Variants in NAV2 observed in about 807,000 individuals in gnomAD.
The protein encoded by NAV2 is helicase, APC down-regulated 1.
NAV2 carries 54 observed loss-of-function variants against 223.2 expected under a neutral mutation model. That is an observed-to-expected ratio of 0.24 (90% CI 0.19 to 0.30). The LOEUF is 0.30. Ranked by LOEUF, NAV2 falls within the 10% of genes least tolerant of loss-of-function variation. NAV2 has a pLI of 1.00. For missense variants in NAV2, 2,806 were observed against 3,147.5 expected (o/e 0.89, Z 2.60); for synonymous variants, 1,279 against 1,239.3 (o/e 1.03, Z -0.67).
intron 11 of NAV2, among the ~76,000 whole-genome samples, chr11:20,023,581 A>G (rs1344437858): frequency 2.0e-5 from 3 of 152,146 alleles, no homozygotes; most frequent in African/African-American, 7.2e-5. Context: ...GTGTGGCCCC[A>G]GGCAAGGGCT....
chr11:19,920,337 G>T (rs1055473424), intron 6 of NAV2, among the ~76,000 whole-genome samples: 3 of 152,108 alleles, frequency 2.0e-5, no homozygotes, highest in Admixed American at 1.3e-4. Flanking sequence ...ACCCAGACTG[G>T]ACTGCAGTGG....
At chr11:19,557,078 AT>A (rs2044918896) in intron 1 of NAV2, among the ~76,000 whole-genome samples, 1 of 152,238 alleles carries the variant, frequency 6.6e-6, no homozygotes, top group Admixed American at 6.5e-5. Flanking sequence ...GAATTTTAAA[AT>A]TAAATAAGCA....
At chr11:19,914,075 T>A (rs866910844) in intron 6 of NAV2, among the ~76,000 whole-genome samples, 87 of 152,348 alleles carry the variant, frequency 5.7e-4, no homozygotes, top group African/African-American at 1.9e-3. Context: ...GATGTCATGC[T>A]GGTAGCTAGA....
At chr11:19,503,662 T>C (rs1256515726) in intron 1 of NAV2, 4 of 152,210 alleles carry the variant, frequency 2.6e-5, no homozygotes, top group South Asian at 2.1e-4. Flanking sequence ...CAATATTCCA[T>C]AGCCTGAACG....
At chr11:19,980,198 A>C (rs917542958) in intron 10 of NAV2, among the ~76,000 whole-genome samples, 3 of 151,952 alleles carry the variant, frequency 2.0e-5, no homozygotes, top group African/African-American at 7.3e-5. Context: ...AGAGGCTCTG[A>C]CTCTTTCCAT....
chr11:19,914,690 G>T (rs991545991), intron 6 of NAV2, among the ~76,000 whole-genome samples: 2 of 151,738 alleles, frequency 1.3e-5, no homozygotes, highest in Non-Finnish European at 2.9e-5. Context: ...GACTACAGGC[G>T]CCCGCCACCG....
intron 1 of NAV2, among the ~76,000 whole-genome samples, chr11:19,818,844 T>C (rs772947819): frequency 1.3e-5 from 2 of 152,238 alleles, no homozygotes; most frequent in Non-Finnish European, 2.9e-5. Context: ...GTTGGTTTTA[T>C]GGACTTTATA....
At chr11:19,932,902 G>A (rs1296913802) in intron 6 of NAV2, among the ~76,000 whole-genome samples, 1 of 152,228 alleles carries the variant, frequency 6.6e-6, no homozygotes, top group African/African-American at 2.4e-5. Context: ...CGGTGCAGGT[G>A]TCTGTTAAGA....
In NAV2 at chr11:19,617,696, G is replaced by A. The variant is rs919865166; in HGVS notation, c.76-214788G>A. Among the ~76,000 whole-genome samples the A allele has an allele frequency of 3.3e-5, 5 of 152,304 alleles. No individual in the cohort carries two copies. In the East Asian group the frequency reaches 9.6e-4, roughly 29 times the overall value. On this transcript the variant is annotated intron_variant, in intron 1 of 37. Coordinates refer to the NAV2 transcript ENST00000360655. ...ATGGCCTCCCTGAGGAGACAGTTTT[G>A]GTTGAAACCTGAATGAAAAGAAGCA... is the stretch of plus-strand genomic sequence containing the variant.
chr11:20,084,756 C>T (rs533320608), intron 26 of NAV2, among the ~76,000 whole-genome samples: 1 of 152,230 alleles, frequency 6.6e-6, no homozygotes, highest in South Asian at 2.1e-4. Context: ...TGCCATCATC[C>T]CAAAGCATCC....
chr11:19,827,884 C>T (rs1418775980), intron 1 of NAV2, among the ~76,000 whole-genome samples: 1 of 151,956 alleles, frequency 6.6e-6, no homozygotes, highest in Non-Finnish European at 1.5e-5. Flanking sequence ...AGCCCACGCC[C>T]AGGCCTAGGA....
chr11:19,681,982 A>G lies in NAV2; in HGVS notation c.76-150502A>G, dbSNP rs372837308. 4.3e-4 allele frequency among the ~76,000 whole-genome samples: 66 copies of G among 152,242 alleles called. No individual in the cohort carries two copies. In the South Asian group the frequency reaches 8.3e-3, roughly 19 times the overall value. On this transcript the variant is annotated intron_variant, in intron 1 of 37. Transcript: ENST00000360655. Reference sequence around the variant, plus strand: ...CCACAATATCAAGATAGCTTGTGTTAGTCACATGATCTGATCAAGCAGCTG... The same window carrying G: ...CCACAATATCAAGATAGCTTGTGTTGGTCACATGATCTGATCAAGCAGCTG...
chr11:19,544,482 C>T (rs918249356), intron 1 of NAV2, among the ~76,000 whole-genome samples: 1 of 152,178 alleles, frequency 6.6e-6, no homozygotes, highest in Non-Finnish European at 1.5e-5. Context: ...GCTTCTGCCT[C>T]CTGGATTCTG....
intron 1 of NAV2, among the ~76,000 whole-genome samples, chr11:19,751,647 CA>C (rs1309297529): frequency 6.6e-6 from 1 of 152,184 alleles, no homozygotes; most frequent in Non-Finnish European, 1.5e-5. Flanking sequence ...TTGACCAACC[CA>C]TCTAAACTAG....
chr11:19,836,435 T>C lies in NAV2; in HGVS notation c.385+3834T>C, dbSNP rs1412882058. On this transcript the variant is annotated intron_variant, in intron 2 of 37. Transcript: ENST00000349880. ...AGCCGGGCGCGGTGGCGGGCGCCTG[T>C]AGTCCCAGCTGCTCGGGAGGCTGAG... Among the ~76,000 whole-genome samples, 7 of 151,838 alleles carry C rather than the reference T, an allele frequency of 4.6e-5. No individual in the cohort carries two copies. The East Asian group carries it at 1.4e-3, about 29-fold the overall frequency.
chr11:19,778,259 G>A, intron 1 of NAV2: 1 of 435,886 alleles, frequency 2.3e-6, no homozygotes, highest in African/African-American at 2.1e-5. Flanking sequence ...CAACTGGCGG[G>A]GACCATAATT....
chr11:19,390,186 G>T (rs983699594), intron 1 of NAV2, among the ~76,000 whole-genome samples: 5 of 152,106 alleles, frequency 3.3e-5, no homozygotes, highest in Non-Finnish European at 7.4e-5. Context: ...CAGCTGTGTG[G>T]GTGCTGGTGG....
At chr11:19,963,526 A>G (rs549419897) in intron 10 of NAV2, among the ~76,000 whole-genome samples, 21 of 152,352 alleles carry the variant, frequency 1.4e-4, no homozygotes, top group African/African-American at 4.1e-4. Context: ...TGAAGGAGCT[A>G]TGAAGGGACC....
intron 1 of NAV2, among the ~76,000 whole-genome samples, chr11:19,410,431 A>G (rs1188332878): frequency 6.6e-6 from 1 of 152,204 alleles, no homozygotes; most frequent in Admixed American, 6.5e-5. Flanking sequence ...ACTAAGTAGC[A>G]GTTATTATCT....
Sources: gnomAD v4.1 joint callset for allele counts (sites outside exome capture counted in the v4.1 genomes callset) on GRCh38, gnomAD v4.1.1 for gene constraint, MANE v1.5 for transcripts, NCBI Gene and HGNC (gene_info 2026-07-23, HGNC 2026-07-21) for gene names.